Variants in CCSER2 observed in about 807,000 individuals in gnomAD.
CCSER2 encodes the protein coiled-coil serine rich protein 2.
CCSER2 carries 46 observed loss-of-function variants against 92.3 expected under a neutral mutation model. That is an observed-to-expected ratio of 0.50 (90% CI 0.39 to 0.64). The LOEUF (loss-of-function observed/expected upper bound fraction) is 0.64. Ranked by LOEUF, CCSER2 falls within the 30% of genes least tolerant of loss-of-function variation. The probability of loss-of-function intolerance (pLI) is 0.00; values close to 1 mark genes in which losing one functional copy is unlikely to be tolerated. For missense variants in CCSER2, 1,244 were observed against 1,238.9 expected (o/e 1.00, Z -0.06); for synonymous variants, 433 against 431.4 (o/e 1.00, Z -0.04).
At chr10:84,410,129 A>G (rs72841197) in intron 3 of CCSER2, among the ~76,000 whole-genome samples, 19,337 of 152,200 alleles carry the variant, frequency 0.13, 1,498 homozygotes, top group Admixed American at 0.23. Flanking sequence ...TCCACGGTGT[A>G]TATGTACCAC....
chr10:84,412,585 T>A (rs754105736), intron 3 of CCSER2, among the ~76,000 whole-genome samples: 1 of 152,076 alleles, frequency 6.6e-6, no homozygotes, highest in Admixed American at 6.5e-5. Flanking sequence ...TCTGGTGGAA[T>A]CAAAGGAATG....
At chr10:84,491,371 G>A (rs1368748285) in intron 9 of CCSER2, among the ~76,000 whole-genome samples, 1 of 152,210 alleles carries the variant, frequency 6.6e-6, no homozygotes, top group Non-Finnish European at 1.5e-5. Flanking sequence ...GCCTCCTTGA[G>A]CTGAGGTGGG....
At chr10:84,440,975 G>A (rs1209343497) in intron 6 of CCSER2, among the ~76,000 whole-genome samples, 2 of 152,088 alleles carry the variant, frequency 1.3e-5, no homozygotes, top group Non-Finnish European at 2.9e-5. Flanking sequence ...TTTATTTCTA[G>A]CATTCTGCAG....
Position 84,515,501 on chromosome 10 carries a change from G to A in CCSER2, c.*1234G>A, listed in dbSNP as rs1255703815. 1 of 151,854 alleles carries A rather than the reference G, an allele frequency of 6.6e-6. No homozygotes were observed. The highest frequency in any genetic ancestry group is 1.9e-4 in the East Asian group (1 of 5,146). 9.4% of individuals were successfully genotyped at this position (151,854 alleles called of 1,614,324 possible). ...CCATTGCCCAGGCTGGATTACAGTG[G>A]CGCAATCTCGGCTCACTGCAACTTC... On this transcript the variant is annotated 3_prime_UTR_variant, in exon 10 of 10. Coordinates refer to ENST00000372088, the MANE Select transcript of CCSER2 (RefSeq NM_001284240.2).
chr10:84,376,025 A>G (rs1189650093), intron 3 of CCSER2, among the ~76,000 whole-genome samples: 1 of 152,078 alleles, frequency 6.6e-6, no homozygotes, highest in African/African-American at 2.4e-5. Flanking sequence ...GTCACTTCTA[A>G]CACAGTTTAG....
intron 8 of CCSER2, among the ~76,000 whole-genome samples, chr10:84,471,325 C>T (rs1269752997): frequency 1.3e-5 from 2 of 151,876 alleles, no homozygotes; most frequent in African/African-American, 4.8e-5. Context: ...GGTCCTGTCA[C>T]ATACAAAATT....
At chr10:84,438,403 A>T (rs756724211) in intron 5 of CCSER2, 109 bp from the exon 6 acceptor site, 3 of 660,920 alleles carry the variant, frequency 4.5e-6, no homozygotes, top group Non-Finnish European at 7.7e-6. Context: ...AGCCATGGTG[A>T]TAATGATAAG....
At chr10:84,368,293 AT>A (rs1255698122) in intron 1 of CCSER2, among the ~76,000 whole-genome samples, 1 of 152,046 alleles carries the variant, frequency 6.6e-6, no homozygotes, top group Non-Finnish European at 1.5e-5. Flanking sequence ...ACCATACAGA[AT>A]TTTTTTCTGT....
chr10:84,395,371 ATAGT>A (rs1198425071), intron 3 of CCSER2, among the ~76,000 whole-genome samples: 2 of 152,192 alleles, frequency 1.3e-5, no homozygotes, highest in African/African-American at 4.8e-5. Flanking sequence ...TAAAATTGTT[ATAGT>A]TAATGAGGAC....
In CCSER2 at chr10:84,465,273, G is replaced by A. The variant is rs1188076654; in HGVS notation, c.2148+1257G>A. Among the ~76,000 whole-genome samples the A allele has an allele frequency of 2.1e-3, 229 of 110,170 alleles. 4 individuals carry two copies. Among genetic ancestry groups the A allele is most frequent in the African/African-American group, 0.015 (206 of 14,144 alleles). The allele number at this position is 110,170 out of a possible 152,430, so 72.3% of individuals were successfully genotyped here. A position where few individuals can be genotyped will look rare whatever the true frequency, so the allele number is the denominator to read the frequency against. ...TGTGTGTGTGTGTGTGTGTGTGTGT[G>A]TGTGTGTGTGTGTGTGTGAAAAAGT... On this transcript the variant is annotated intron_variant, in intron 7 of 9. Coordinates refer to ENST00000372088, the MANE Select transcript of CCSER2 (RefSeq NM_001284240.2).
At chr10:84,364,553 A>C (rs1244486340) in intron 1 of CCSER2, among the ~76,000 whole-genome samples, 2 of 152,290 alleles carry the variant, frequency 1.3e-5, no homozygotes, top group East Asian at 3.9e-4. Context: ...GATGGGAAGA[A>C]ATCTACTACC....
rs148182992 is a variant in CCSER2 at position 84,438,516 on chromosome 10, T to A, written c.1873T>A (p.Ser625Thr). Residue 625 changes from serine to threonine, a missense_variant, in exon 6 of 10, where the codon TCT becomes ACT. By Grantham distance (58) the Ser-to-Thr change is moderately conservative. Transcript: ENST00000372088. ...CCTTCTTCCCTGCCCTTCCAGAGGC[T>A]CTCCCTATAGAGAATCTCCTTTGGG... ...HHGKSDLSRG[S>T]PYRESPLGHF... is the part of the protein sequence containing the mutation. 4.2e-4 allele frequency: 673 copies of A among 1,584,152 alleles called. 5 individuals carry two copies. The African/African-American group carries it at 7.9e-3, about 19-fold the overall frequency.
intron 5 of CCSER2, among the ~76,000 whole-genome samples, chr10:84,432,831 T>TA (rs1843863616): frequency 6.6e-6 from 1 of 152,220 alleles, no homozygotes; most frequent in Non-Finnish European, 1.5e-5. Context: ...CCTTTTCATA[T>TA]TATAGGAATT....
intron 4 of CCSER2, among the ~76,000 whole-genome samples, chr10:84,422,226 A>G (rs1274586945): frequency 6.6e-6 from 1 of 152,204 alleles, no homozygotes; most frequent in Admixed American, 6.5e-5. Flanking sequence ...CTCAGTTCAA[A>G]GTACTCATCT....
In CCSER2 at chr10:84,348,137, C is replaced by T. The variant is rs541387598; in HGVS notation, c.-40+19329C>T. Among the ~76,000 whole-genome samples, 39 of 152,310 alleles carry T rather than the reference C, an allele frequency of 2.6e-4. No individual in the cohort carries two copies. In the East Asian group the frequency reaches 2.7e-3, roughly 11 times the overall value. ...TGGAGGTTGTAGAGAGCCGAGATCA[C>T]GCCACTGCACTCCAGCCTGGGCAAC... On this transcript the variant is annotated intron_variant, in intron 1 of 9. Transcript: ENST00000372088.
chr10:84,341,037 CTTTTTTT>C (rs749153928), intron 1 of CCSER2, among the ~76,000 whole-genome samples: 8 of 115,174 alleles, frequency 6.9e-5, no homozygotes, highest in Non-Finnish European at 1.2e-4. Flanking sequence ...CAATGTAACA[CTTTTTTT>C]TTTTTTTTTT....
At chr10:84,512,264 T>A (rs1589849163) in intron 9 of CCSER2, among the ~76,000 whole-genome samples, 1 of 152,296 alleles carries the variant, frequency 6.6e-6, no homozygotes, top group East Asian at 1.9e-4. Flanking sequence ...ATTTGTGGAT[T>A]AGCATAGCAA....
At chr10:84,511,153 C>T (rs910828175) in intron 9 of CCSER2, among the ~76,000 whole-genome samples, 2 of 152,068 alleles carry the variant, frequency 1.3e-5, no homozygotes, top group African/African-American at 2.4e-5. Flanking sequence ...AAATTCCTCT[C>T]GGTTGACTCA....
rs79824758 is a variant in CCSER2 at position 84,373,500 on chromosome 10, T to C, written c.1418-119T>C. On this transcript the variant is annotated intron_variant, in intron 2 of 9. Transcript: ENST00000372088. ...TAGGATATAGAAAATGCTACAGTTA[T>C]GAGTGCTTTTTTTGAGCCAGCTTTT... 1,932 of 696,202 alleles carry C rather than the reference T, an allele frequency of 2.8e-3. 20 individuals carry two copies. In the African/African-American group the frequency reaches 0.031, roughly 11 times the overall value. 43.1% of individuals were successfully genotyped at this position (696,202 alleles called of 1,614,324 possible).
Sources: allele counts gnomAD v4.1 joint callset (sites outside exome capture counted in the v4.1 genomes callset), GRCh38; gene constraint gnomAD v4.1.1; transcripts MANE v1.5; gene names NCBI Gene and HGNC (gene_info 2026-07-23, HGNC 2026-07-21).